The following ARRB2 variants were observed in gnomAD, a reference collection of about 807,000 sequenced individuals.
The protein encoded by ARRB2 is arrestin beta 2.
Under a neutral mutation model 53.4 loss-of-function variants are expected in ARRB2, and 21 were observed. The observed-to-expected ratio is 0.39, with a 90% CI of 0.28 to 0.57. The LOEUF (loss-of-function observed/expected upper bound fraction) is 0.57, where lower values mean the gene tolerates loss of function less well. ARRB2 is among the 20% of genes least tolerant of loss of function. The pLI is 0.55. For synonymous variants in ARRB2, 180 were observed against 212.9 expected (o/e 0.85, Z 1.34); for missense variants, 369 against 527.5 (o/e 0.70, Z 2.94).
chr17:4,718,803 G>C, intron 10 of ARRB2, 119 bp downstream of exon 10: 1 of 1,006,202 alleles, frequency 9.9e-7, no homozygotes, highest in African/African-American at 1.8e-5. Context: ...TTTTTGAGAT[G>C]GAGTTTTTGC....
In ARRB2 at chr17:4,717,677, T is replaced by G. The variant is rs1915212613; in HGVS notation, c.418-8T>G. The G allele has an allele frequency of 6.2e-7, 1 of 1,614,024 alleles. No individual in the cohort carries two copies. Among genetic ancestry groups the G allele is most frequent in the Non-Finnish European group, 8.5e-7 (1 of 1,180,008 alleles). On this transcript the variant is annotated splice_polypyrimidine_tract_variant and splice_region_variant and intron_variant, in intron 6 of 14. Transcript: ENST00000269260. This position sits in a 1 kb window ranked among gnomAD's most constrained non-coding sequence, Gnocchi z 6.0. The stretch of plus-strand genomic sequence containing the variant: ...CGGTAAGATGTGGCCTTTTCTCCCC[T>G]CCCCGAGGCCTGCGGCGTAGACTTT...
At chr17:4,714,339 G>C (rs931267428) in intron 1 of ARRB2, among the ~76,000 whole-genome samples, 5 of 152,110 alleles carry the variant, frequency 3.3e-5, no homozygotes, top group African/African-American at 1.2e-4. Flanking sequence ...GGTAGGGCCT[G>C]TGGTAGAAAC....
chr17:4,710,725 G>C lies in ARRB2; in HGVS notation c.4G>C (p.Gly2Arg). 2.5e-6 allele frequency: 1 copy of C among 399,574 alleles called. No homozygotes were observed. Among genetic ancestry groups the C allele is most frequent in the Non-Finnish European group, 4.4e-6 (1 of 226,706 alleles). The allele number at this position is 399,574 out of a possible 1,614,324, so 24.8% of individuals were successfully genotyped here. A position where few individuals can be genotyped will look rare whatever the true frequency, so the allele number is the denominator to read the frequency against. Reference sequence around the variant, plus strand: ...GCGGGCGGCGGGCGCGCGCACCATGGGGGAGAAACCCGGGACCAGGTAAGG... The same window carrying C: ...GCGGGCGGCGGGCGCGCGCACCATGCGGGAGAAACCCGGGACCAGGTAAGG... M[G>R]EKPGTRVFKK... The change falls in exon 1 of 15, where the codon GGG (glycine) becomes CGG (arginine). Residue 2 changes from glycine (G) to arginine (R), a missense_variant. Physicochemically the swap from Gly to Arg is moderately radical, Grantham distance 125. Transcript: ENST00000269260.
chr17:4,717,502 A>G lies in ARRB2; in HGVS notation c.418-183A>G. The G allele has an allele frequency of 1.1e-6, 1 of 921,930 alleles. No homozygotes were observed. Among genetic ancestry groups the G allele is most frequent in the South Asian group, 1.5e-5 (1 of 64,924 alleles). 57.1% of individuals were successfully genotyped at this position (921,930 alleles called of 1,614,324 possible). A position where few individuals can be genotyped will look rare whatever the true frequency, so the allele number is the denominator to read the frequency against. ...ATCTGGGGATGGGGGCTCCCCTTGC[A>G]CTACCATGACCAAGCCTCTGCCAGG... On this transcript the variant is annotated intron_variant, in intron 6 of 14. Coordinates refer to ENST00000269260, the MANE Select transcript of ARRB2 (RefSeq NM_004313.4). The surrounding 1 kb of genome is among the most constrained non-coding windows in gnomAD (Gnocchi z 6.0).
At chr17:4,714,199 C>A (rs1914718789) in intron 1 of ARRB2, among the ~76,000 whole-genome samples, 1 of 152,074 alleles carries the variant, frequency 6.6e-6, no homozygotes, top group Non-Finnish European at 1.5e-5. Context: ...GTGACAGGAA[C>A]CCAAAACAAG....
intron 1 of ARRB2, among the ~76,000 whole-genome samples, chr17:4,711,012 T>C (rs1483576743): frequency 6.6e-6 from 1 of 151,556 alleles, no homozygotes; most frequent in Non-Finnish European, 1.5e-5. Flanking sequence ...ACTACTGGGC[T>C]CTCCCGTGCA....
Position 4,718,782 on chromosome 17 carries a change from C to CTTT in ARRB2, c.779+111_779+113dup, listed in dbSNP as rs11463798. 2.3e-3 allele frequency: 1,977 copies of CTTT among 864,324 alleles called. 11 individuals are homozygous for CTTT. The highest frequency in any genetic ancestry group is 4.7e-3 in the East Asian group (142 of 29,904). The allele number at this position is 864,324 out of a possible 1,614,324, so 53.5% of individuals were successfully genotyped here. Reference sequence around the variant, plus strand: ...AGAATTCTTCCTGAGCCATCTCCACCTTTTTTTTTTTTTTTGAGATGGAGT... The same window carrying CTTT: ...AGAATTCTTCCTGAGCCATCTCCACCTTTTTTTTTTTTTTTTTTGAGATGGAGT... On this transcript the variant is annotated intron_variant, in intron 10 of 14. Coordinates refer to ENST00000269260, the MANE Select transcript of ARRB2 (RefSeq NM_004313.4).
intron 1 of ARRB2, among the ~76,000 whole-genome samples, chr17:4,713,820 C>T (rs1216003711): frequency 6.6e-6 from 1 of 151,182 alleles, no homozygotes; most frequent in Non-Finnish European, 1.5e-5. Flanking sequence ...AAAACATAGC[C>T]GGGCATGGTG....
Position 4,720,248 on chromosome 17 carries a change from G to A in ARRB2, c.950G>A (p.Gly317Glu). 6.2e-7 allele frequency: 1 copy of A among 1,613,956 alleles called. No homozygotes were observed. Among genetic ancestry groups the A allele is most frequent in the Non-Finnish European group, 8.5e-7 (1 of 1,179,952 alleles). Residue 317 changes from glycine to glutamate, a missense_variant, in exon 12 of 15, where the codon GGA becomes GAA. Physicochemically the swap from Gly to Glu is moderately conservative, Grantham distance 98. Transcript: ENST00000269260. ...VKEGANKEVL[G>E]ILVSYRVKVK... ...GAGGGTGCCAACAAGGAGGTGCTGG[G>A]AATCCTGGTGTCCTACAGGGTCAAG...
chr17:4,715,208 C>A (rs1471221338), intron 2 of ARRB2, 165 bp downstream of exon 2: 5 of 816,324 alleles, frequency 6.1e-6, no homozygotes, highest in Non-Finnish European at 9.4e-6. Context: ...AGCCCCTTGC[C>A]GCAGAGGCTG....
At chr17:4,720,764 G>A (rs1244200987) in intron 14 of ARRB2, 124 bp downstream of exon 14, 1 of 1,093,350 alleles carries the variant, frequency 9.1e-7, no homozygotes, top group Admixed American at 2.6e-5. Flanking sequence ...AAATCAAGAT[G>A]CCTTAGCCTT....
intron 4 of ARRB2, 46 bp downstream of exon 4, chr17:4,716,237 G>GA: frequency 6.2e-7 from 1 of 1,613,020 alleles, no homozygotes; most frequent in Non-Finnish European, 8.5e-7. Context: ...GGGGGCTAGG[G>GA]AAGTGAAATG....
At chr17:4,718,806 G>A in intron 10 of ARRB2, 122 bp downstream of exon 10, 2 of 1,060,114 alleles carry the variant, frequency 1.9e-6, no homozygotes, top group African/African-American at 1.7e-5. Context: ...TTGAGATGGA[G>A]TTTTTGCTCT....
intron 11 of ARRB2, 149 bp from the exon 12 acceptor site, chr17:4,720,067 A>G (rs956223633): frequency 1.3e-6 from 1 of 743,674 alleles, no homozygotes; most frequent in Non-Finnish European, 2.3e-6. Context: ...TGCAGTGCGC[A>G]CTGTACCATA....
chr17:4,716,721 C>T (rs1256002420), intron 5 of ARRB2, 113 bp downstream of exon 5: 1 of 1,456,610 alleles, frequency 6.9e-7, no homozygotes, highest in African/African-American at 1.4e-5. Context: ...GGCAGGGACC[C>T]TAGATCCACT....
At position 4,720,954 on chromosome 17, in the gene ARRB2, C is replaced by T. The variant is rs142394302; in HGVS notation, c.1145C>T (p.Thr382Ile). 1,305 of 1,613,840 alleles carry T rather than the reference C, an allele frequency of 8.1e-4. 4 individuals carry two copies. The highest frequency in any genetic ancestry group is 9.4e-4 in the Non-Finnish European group (1,105 of 1,179,904). Reference protein sequence around the residue: ...NLIEFDTNYATDDDIVFEDFA... With the variant: ...NLIEFDTNYAIDDDIVFEDFA... ...TCTTTCCCACCACCAAGCTATGCCACAGATGATGACATTGTGTTTGAGGAC... is the reference window on the plus strand; with the variant it reads ...TCTTTCCCACCACCAAGCTATGCCATAGATGATGACATTGTGTTTGAGGAC... Residue 382 changes from threonine (T) to isoleucine (I), a missense_variant, in exon 15 of 15, where the codon ACA becomes ATA. By Grantham distance (89) the Thr-to-Ile change is moderately conservative. Transcript: ENST00000269260.
intron 9 of ARRB2, 89 bp downstream of exon 9, chr17:4,718,434 A>G: frequency 6.9e-7 from 1 of 1,440,980 alleles, no homozygotes; most frequent in South Asian, 1.2e-5. Context: ...GCCATTTCCC[A>G]GTGCGGGAGA....
Position 4,717,316 on chromosome 17 carries a change from A to G in ARRB2, c.417+40A>G, listed in dbSNP as rs768490340. On this transcript the variant is annotated intron_variant, in intron 6 of 14. Transcript: ENST00000269260. The surrounding 1 kb of genome is among the most constrained non-coding windows in gnomAD (Gnocchi z 6.0). The stretch of plus-strand genomic sequence containing the variant: ...GCTCTGAGGGCTCCTAGGGCAGGAC[A>G]TGGGCCAGCAGGAGCCTGGAGGCAC... The G allele has an allele frequency of 1.1e-5, 18 of 1,606,956 alleles. No individual in the cohort carries two copies. The highest frequency in any genetic ancestry group is 2.2e-5 in the East Asian group (1 of 44,832).
intron 1 of ARRB2, among the ~76,000 whole-genome samples, chr17:4,713,270 G>A (rs973205432): frequency 2.6e-5 from 4 of 152,052 alleles, no homozygotes; most frequent in Non-Finnish European, 4.4e-5. Context: ...TGAGGCGGGC[G>A]GATCACTAGA....
Sources: allele counts gnomAD v4.1 joint callset (sites outside exome capture counted in the v4.1 genomes callset), GRCh38; gene constraint gnomAD v4.1.1; non-coding constraint Gnocchi (gnomAD v3.1); transcripts MANE v1.5; gene names NCBI Gene and HGNC (gene_info 2026-07-23, HGNC 2026-07-21).